Variants in B3GALT1 observed in about 807,000 individuals in gnomAD.
The protein encoded by B3GALT1 is UDP-Gal:betaGlcNAc beta 1,3-galactosyltransferase, polypeptide 1.
In B3GALT1, 10 loss-of-function variants were observed where a neutral mutation model predicts 23.2. The ratio of observed to expected loss-of-function variants is 0.43; its 90% CI spans 0.27 to 0.73. B3GALT1 has a LOEUF of 0.73. Among genes scored for constraint, B3GALT1 ranks in the 30% least tolerant of loss-of-function variants. The pLI, the probability that B3GALT1 is intolerant of heterozygous loss-of-function variation, is 0.21. For synonymous variants in B3GALT1, 156 were observed against 141.5 expected, an observed-to-expected ratio of 1.10 and a Z score of -0.73; for missense variants, 299 against 405.4, an observed-to-expected ratio of 0.74 and a Z score of 2.25.
intron 3 of B3GALT1, among the ~76,000 whole-genome samples, chr2:167,651,382 A>G (rs959283659): frequency 1.3e-5 from 2 of 151,970 alleles, no homozygotes; most frequent in Admixed American, 6.6e-5. Context: ...TACTACCCAT[A>G]CCCCAAAACT....
intron 1 of B3GALT1, among the ~76,000 whole-genome samples, chr2:167,411,350 T>A (rs1698387369): frequency 1.6e-5 from 2 of 122,748 alleles, no homozygotes; most frequent in Non-Finnish European, 1.6e-5. Context: ...TGTAAGAAGC[T>A]CAAACAACTC....
chr2:167,368,945 G>A (rs1697634470), intron 1 of B3GALT1, among the ~76,000 whole-genome samples: 1 of 151,982 alleles, frequency 6.6e-6, no homozygotes. Context: ...ATAATAGCCA[G>A]ATTAAAGTAA....
rs147378311 is a variant in B3GALT1, at chr2:167,634,040, T to G, written c.-409-12869T>G. ...CAAATTAGAACTCAGGATTAAGAAA[T>G]TCATTCAAAACCACACAACTACATG... On this transcript the variant is annotated intron_variant, in intron 2 of 4. Transcript: ENST00000392690. 4.3e-3 allele frequency among the ~76,000 whole-genome samples: 651 copies of G among 152,022 alleles called. 3 individuals carry two copies. Among genetic ancestry groups the G allele is most frequent in the African/African-American group, 0.015 (607 of 41,502 alleles).
chr2:167,855,088 C>T (rs767614540), intron 4 of B3GALT1, among the ~76,000 whole-genome samples: 1 of 152,086 alleles, frequency 6.6e-6, no homozygotes, highest in African/African-American at 2.4e-5. Flanking sequence ...ATCCTCTGTG[C>T]AGTTTTCATT....
chr2:167,531,359 G>C (rs1323992031), intron 2 of B3GALT1, among the ~76,000 whole-genome samples: 2 of 152,086 alleles, frequency 1.3e-5, no homozygotes, highest in South Asian at 2.1e-4. Context: ...ATGAAGGACG[G>C]GACTTCTTTA....
At chr2:167,768,680 G>A (rs941262639) in intron 3 of B3GALT1, among the ~76,000 whole-genome samples, 1 of 152,166 alleles carries the variant, frequency 6.6e-6, no homozygotes, top group East Asian at 1.9e-4. Context: ...GTAGAGATTT[G>A]CCTCTGACAA....
chr2:167,611,144 A>G (rs777047669), intron 2 of B3GALT1, among the ~76,000 whole-genome samples: 42 of 151,968 alleles, frequency 2.8e-4, no homozygotes, highest in Admixed American at 1.2e-3. Context: ...ACCTAAAATA[A>G]AAGTTAAAAA....
chr2:167,667,045 T>G (rs542908329), intron 3 of B3GALT1, among the ~76,000 whole-genome samples: 1 of 152,128 alleles, frequency 6.6e-6, no homozygotes, highest in East Asian at 1.9e-4. Flanking sequence ...CTTCCTAGTC[T>G]CGATGGTCTT....
intron 3 of B3GALT1, among the ~76,000 whole-genome samples, chr2:167,730,896 A>G (rs903361684): frequency 5.9e-5 from 9 of 152,204 alleles, no homozygotes; most frequent in African/African-American, 2.2e-4. Context: ...ACAATGTGCC[A>G]TACTCCATAC....
At chr2:167,602,691 A>G (rs1684897009) in intron 2 of B3GALT1, among the ~76,000 whole-genome samples, 1 of 152,198 alleles carries the variant, frequency 6.6e-6, no homozygotes. Flanking sequence ...GCCTAATGAT[A>G]TACATGTTAC....
chr2:167,763,127 G>A (rs1687921700), intron 3 of B3GALT1, among the ~76,000 whole-genome samples: 1 of 152,014 alleles, frequency 6.6e-6, no homozygotes, highest in Non-Finnish European at 1.5e-5. Flanking sequence ...TTTATTTATT[G>A]TTAAAACAAT....
intron 1 of B3GALT1, among the ~76,000 whole-genome samples, chr2:167,399,715 T>G (rs1277717418): frequency 6.6e-6 from 1 of 152,096 alleles, no homozygotes; most frequent in Admixed American, 6.6e-5. Context: ...ATCTCCTACT[T>G]GAGTATGAAT....
intron 2 of B3GALT1, among the ~76,000 whole-genome samples, chr2:167,519,610 A>G (rs1700157686): frequency 6.6e-6 from 1 of 152,140 alleles, no homozygotes; most frequent in Admixed American, 6.6e-5. Flanking sequence ...CACATATTTG[A>G]TTGTTTTAAT....
chr2:167,679,003 G>A (rs1424617003), intron 3 of B3GALT1, among the ~76,000 whole-genome samples: 1 of 151,900 alleles, frequency 6.6e-6, no homozygotes, highest in African/African-American at 2.4e-5. Context: ...TTAACTGTAT[G>A]TAATTTGAAC....
rs200731188 is a variant in B3GALT1, at chr2:167,337,208, AT to A, written c.-511+43883del. On this transcript the variant is annotated intron_variant, in intron 1 of 4. Transcript: ENST00000392690. ...TCACTCCAGCAGAGCCAAAGGATATATTTTTTTTTGTGGCTTCCTATAATGC... is the reference window on the plus strand; with the variant it reads ...TCACTCCAGCAGAGCCAAAGGATATATTTTTTTTGTGGCTTCCTATAATGC... Among the ~76,000 whole-genome samples, 3 of 151,446 alleles carry A rather than the reference AT, an allele frequency of 2.0e-5. No homozygotes were observed. The East Asian group carries it at 5.8e-4, about 29-fold the overall frequency.
At chr2:167,781,415 C>T (rs1392684902) in intron 3 of B3GALT1, among the ~76,000 whole-genome samples, 1 of 152,098 alleles carries the variant, frequency 6.6e-6, no homozygotes, top group East Asian at 1.9e-4. Context: ...GCCAGGGGTT[C>T]ATCTCCTGTT....
chr2:167,346,610 C>T (rs1244718216), intron 1 of B3GALT1, among the ~76,000 whole-genome samples: 1 of 152,096 alleles, frequency 6.6e-6, no homozygotes, highest in Non-Finnish European at 1.5e-5. Flanking sequence ...ATTAACCACA[C>T]AGGAAAGAAA....
chr2:167,611,149 T>A (rs1306019856), intron 2 of B3GALT1, among the ~76,000 whole-genome samples: 1 of 151,362 alleles, frequency 6.6e-6, no homozygotes, highest in Non-Finnish European at 1.5e-5. Flanking sequence ...AAATAAAAGT[T>A]AAAAAAAAGA....
intron 1 of B3GALT1, among the ~76,000 whole-genome samples, chr2:167,478,719 CCCCCA>C (rs764091594): frequency 4.8e-4 from 73 of 151,688 alleles, no homozygotes; most frequent in Non-Finnish European, 1.0e-3. Context: ...GTCCCTCCTC[CCCCCA>C]CCCCATGATA....
Sources: allele counts gnomAD v4.1 joint callset (sites outside exome capture counted in the v4.1 genomes callset), GRCh38; gene constraint gnomAD v4.1.1; transcripts MANE v1.5; gene names NCBI Gene and HGNC (gene_info 2026-07-23, HGNC 2026-07-21).